Variants in PCSK5 observed in about 807,000 individuals in gnomAD.
The protein encoded by PCSK5 is proprotein convertase subtilisin/kexin type 5, also known as prohormone convertase 5.
Under a neutral mutation model 233.2 loss-of-function variants are expected in PCSK5, and 129 were observed. The observed-to-expected ratio is 0.55, with a 90% CI of 0.48 to 0.64. The LOEUF (loss-of-function observed/expected upper bound fraction) is 0.64, where lower values mean the gene tolerates loss of function less well. PCSK5 is among the 30% of genes least tolerant of loss of function. PCSK5 has a pLI of 0.00. For synonymous variants in PCSK5, 825 were observed against 879.2 expected (o/e 0.94, Z 1.09); for missense variants, 2,076 against 2,430.1 (o/e 0.85, Z 3.06).
At chr9:76,153,201 C>G (rs369454884) in intron 10 of PCSK5, among the ~76,000 whole-genome samples, 2 of 152,290 alleles carry the variant, frequency 1.3e-5, no homozygotes, top group East Asian at 3.9e-4. Flanking sequence ...GAAACAGAGC[C>G]TGTCCTACCT....
intron 17 of PCSK5, among the ~76,000 whole-genome samples, chr9:76,187,594 T>C (rs1824167799): frequency 6.6e-6 from 1 of 152,074 alleles, no homozygotes; most frequent in South Asian, 2.1e-4. Context: ...AACTCCTGGC[T>C]TCGAGTGATC....
intron 8 of PCSK5, among the ~76,000 whole-genome samples, chr9:76,102,916 G>C (rs1831823161): frequency 6.6e-6 from 1 of 152,180 alleles, no homozygotes; most frequent in South Asian, 2.1e-4. Context: ...GAACTGAGCT[G>C]AACATTATGG....
intron 13 of PCSK5, among the ~76,000 whole-genome samples, chr9:76,170,916 C>T (rs1395800650): frequency 1.3e-5 from 2 of 152,148 alleles, no homozygotes; most frequent in Non-Finnish European, 2.9e-5. Context: ...TTTTGGTTAT[C>T]CCTTCCCTAG....
intron 17 of PCSK5, among the ~76,000 whole-genome samples, 198 bp from the exon 18 acceptor site, chr9:76,188,380 T>C (rs900065680): frequency 6.6e-6 from 1 of 152,132 alleles, no homozygotes; most frequent in Non-Finnish European, 1.5e-5. Flanking sequence ...ACAGATATCA[T>C]TGTAGGCACA....
chr9:76,342,382 CTTT>C (rs969183906), intron 35 of PCSK5, among the ~76,000 whole-genome samples: 23 of 151,662 alleles, frequency 1.5e-4, no homozygotes, highest in Middle Eastern at 6.9e-3. Flanking sequence ...CTCTAATCCT[CTTT>C]TTTTTTCCCC....
rs970315667 is a variant in PCSK5 at position 76,251,858 on chromosome 9, T to C, written c.3142+11174T>C. ...GCTGGTAACTAGTAGAATCAGGACT[T>C]GACCCTGAATAGCCCCAGACCAAAA... On this transcript the variant is annotated intron_variant, in intron 24 of 37. Coordinates refer to ENST00000674117, the MANE Select transcript of PCSK5 (RefSeq NM_001372043.1). Among the ~76,000 whole-genome samples, 38 of 152,204 alleles carry C rather than the reference T, an allele frequency of 2.5e-4. 1 individual carries two copies. The highest frequency in any genetic ancestry group is 6.8e-3 in the Middle Eastern group (2 of 294).
At chr9:76,021,329 GAC>G (rs1197272602) in intron 3 of PCSK5, among the ~76,000 whole-genome samples, 1 of 150,978 alleles carries the variant, frequency 6.6e-6, no homozygotes, top group Non-Finnish European at 1.5e-5. Context: ...GAGAGGGAGA[GAC>G]ACAGAGAGAG....
At chr9:76,273,878 G>C (rs150554760) in intron 24 of PCSK5, among the ~76,000 whole-genome samples, 1 of 150,280 alleles carries the variant, frequency 6.7e-6, no homozygotes, top group African/African-American at 2.4e-5. Flanking sequence ...AAACTCCCAG[G>C]CTCAAGCAAG....
intron 10 of PCSK5, among the ~76,000 whole-genome samples, chr9:76,136,144 G>T (rs769924641): frequency 6.6e-6 from 1 of 151,944 alleles, no homozygotes; most frequent in Non-Finnish European, 1.5e-5. Context: ...GAATGGGCTG[G>T]GCTCCCAGTG....
chr9:76,254,861 C>A (rs923929100), intron 24 of PCSK5, among the ~76,000 whole-genome samples: 1 of 152,184 alleles, frequency 6.6e-6, no homozygotes, highest in Admixed American at 6.5e-5. Flanking sequence ...CATGCAAATG[C>A]GATAGGCCAG....
At chr9:76,058,853 G>C (rs1415810434) in intron 5 of PCSK5, among the ~76,000 whole-genome samples, 2 of 152,084 alleles carry the variant, frequency 1.3e-5, no homozygotes, top group Non-Finnish European at 2.9e-5. Flanking sequence ...TTCACAAAAT[G>C]AAACTTTTAA....
At chr9:76,193,688 T>G (rs1451557926) in intron 20 of PCSK5, 3 of 192,424 alleles carry the variant, frequency 1.6e-5, no homozygotes, top group African/African-American at 7.0e-5. Flanking sequence ...CCTGCCCTGG[T>G]TTTGAAGGTC....
chr9:76,350,609 C>A (rs1351830533), intron 35 of PCSK5, among the ~76,000 whole-genome samples: 2 of 152,210 alleles, frequency 1.3e-5, no homozygotes, highest in East Asian at 3.8e-4. Context: ...GATCTGTCAT[C>A]CCCAAATCCT....
At chr9:76,167,993 G>A (rs1823157982) in intron 12 of PCSK5, among the ~76,000 whole-genome samples, 1 of 151,994 alleles carries the variant, frequency 6.6e-6, no homozygotes, top group Non-Finnish European at 1.5e-5. Flanking sequence ...TTTTTTCAGT[G>A]AAATAATAGA....
intron 24 of PCSK5, among the ~76,000 whole-genome samples, chr9:76,261,721 C>A (rs376159220): frequency 6.6e-6 from 1 of 152,156 alleles, no homozygotes; most frequent in Non-Finnish European, 1.5e-5. Context: ...AGGTCCTTCA[C>A]GTCCCTTGTA....
At chr9:76,266,781 A>G (rs75020643) in intron 24 of PCSK5, among the ~76,000 whole-genome samples, 7,447 of 152,258 alleles carry the variant, frequency 0.049, 339 homozygotes, top group African/African-American at 0.12. Context: ...CCTACCAGCC[A>G]GTTGCTTCTC....
intron 6 of PCSK5, 50 bp from the exon 7 acceptor site, chr9:76,071,676 G>A: frequency 6.8e-7 from 1 of 1,480,732 alleles, no homozygotes; most frequent in Non-Finnish European, 9.2e-7. Flanking sequence ...TTCTTTGAGT[G>A]TTGTGTAGGG....
At chr9:76,303,269 C>T (rs1828674811) in intron 28 of PCSK5, among the ~76,000 whole-genome samples, 1 of 152,130 alleles carries the variant, frequency 6.6e-6, no homozygotes, top group Non-Finnish European at 1.5e-5. Flanking sequence ...AAACTCTTGG[C>T]TTCAAGCTAT....
chr9:76,035,485 C>G (rs1828821486), intron 5 of PCSK5, among the ~76,000 whole-genome samples: 1 of 152,018 alleles, frequency 6.6e-6, no homozygotes, highest in Non-Finnish European at 1.5e-5. Flanking sequence ...GATTTGGGGA[C>G]TTCAGTTTTG....
Sources: gnomAD v4.1 joint callset for allele counts (sites outside exome capture counted in the v4.1 genomes callset) on GRCh38, gnomAD v4.1.1 for gene constraint, MANE v1.5 for transcripts, NCBI Gene and HGNC (gene_info 2026-07-23, HGNC 2026-07-21) for gene names.